Variants in NRG3 observed in about 807,000 individuals in gnomAD.
NRG3 encodes the protein neuregulin 3, also known as pro-neuregulin-3, membrane-bound isoform.
A neutral mutation model predicts 66.9 loss-of-function variants in NRG3; 31 were observed. The observed-to-expected ratio is 0.46, with a 90% confidence interval of 0.35 to 0.63. The LOEUF (loss-of-function observed/expected upper bound fraction) is 0.63. Among genes scored for constraint, NRG3 ranks in the 20% least tolerant of loss-of-function variants. The pLI is 0.00. For synonymous variants in NRG3, 393 were observed against 359.4 expected, an observed-to-expected ratio of 1.09 and a Z score of -1.06; for missense variants, 910 against 878.9, an observed-to-expected ratio of 1.04 and a Z score of -0.45.
At chr10:82,719,122 G>A (rs1188634572) in intron 2 of NRG3, among the ~76,000 whole-genome samples, 1 of 152,186 alleles carries the variant, frequency 6.6e-6, no homozygotes, top group Non-Finnish European at 1.5e-5. Context: ...TCTCCCCAAA[G>A]TGCAGTGAGG....
intron 1 of NRG3, among the ~76,000 whole-genome samples, chr10:81,891,316 C>T (rs1023416168): frequency 6.6e-6 from 1 of 152,204 alleles, no homozygotes; most frequent in South Asian, 2.1e-4. Context: ...CTATATGGCT[C>T]TATTCCTGAC....
At chr10:82,098,826 C>G (rs1029808750) in intron 1 of NRG3, among the ~76,000 whole-genome samples, 1 of 152,120 alleles carries the variant, frequency 6.6e-6, no homozygotes, top group Non-Finnish European at 1.5e-5. Context: ...CGCAGTGGTG[C>G]GATCTCGGCT....
chr10:82,186,347 T>C lies in NRG3; in HGVS notation c.824-172392T>C, dbSNP rs180841968. ...AGACAGTGAACTTTTCCTTTGCTCA[T>C]ACTCAGTGCCTAGAATCACCTAGGA... On this transcript the variant is annotated intron_variant, in intron 1 of 8. Coordinates refer to ENST00000372141, the MANE Select transcript of NRG3 (RefSeq NM_001010848.4). Among the ~76,000 whole-genome samples, 76 of 152,286 alleles carry C rather than the reference T, an allele frequency of 5.0e-4. 1 individual carries two copies. The East Asian group carries it at 0.014, about 28-fold the overall frequency.
At chr10:82,062,511 C>G (rs934689263) in intron 1 of NRG3, among the ~76,000 whole-genome samples, 3 of 151,588 alleles carry the variant, frequency 2.0e-5, no homozygotes, top group African/African-American at 7.3e-5. Context: ...GAGGCTGAGG[C>G]AGGAGAATTG....
intron 3 of NRG3, among the ~76,000 whole-genome samples, chr10:82,811,016 A>AT (rs2061471882): frequency 6.6e-6 from 1 of 151,226 alleles, no homozygotes; most frequent in Non-Finnish European, 1.5e-5. Context: ...TCCTTTAGTC[A>AT]TTTGCAGGGC....
intron 1 of NRG3, among the ~76,000 whole-genome samples, chr10:82,069,644 A>G (rs1400563919): frequency 6.6e-6 from 1 of 152,226 alleles, no homozygotes; most frequent in Non-Finnish European, 1.5e-5. Flanking sequence ...TTGAATTCGT[A>G]TTTATTTTTG....
intron 2 of NRG3, among the ~76,000 whole-genome samples, chr10:82,643,904 C>CCACACA (rs3040199): frequency 6.7e-6 from 1 of 149,924 alleles, no homozygotes; most frequent in Non-Finnish European, 1.5e-5. Context: ...ACACACACAC[C>CCACACA]CACACACACA....
At chr10:82,083,600 T>A (rs867335294) in intron 1 of NRG3, among the ~76,000 whole-genome samples, 2,864 of 149,750 alleles carry the variant, frequency 0.019, 87 homozygotes, top group African/African-American at 0.066. Flanking sequence ...TGTTAATTTT[T>A]TTTTTTTTTT....
intron 2 of NRG3, among the ~76,000 whole-genome samples, chr10:82,482,968 A>G (rs1842401373): frequency 6.6e-6 from 1 of 152,186 alleles, no homozygotes; most frequent in African/African-American, 2.4e-5. Context: ...AAGTTTACCA[A>G]CCAGCACAGA....
At chr10:82,607,719 T>C (rs944263788) in intron 2 of NRG3, among the ~76,000 whole-genome samples, 5 of 152,070 alleles carry the variant, frequency 3.3e-5, no homozygotes, top group African/African-American at 1.2e-4. Context: ...TTCTTCCTCC[T>C]CTCTTAGCAT....
intron 2 of NRG3, among the ~76,000 whole-genome samples, chr10:82,699,019 T>C (rs1449899705): frequency 6.6e-6 from 1 of 152,166 alleles, no homozygotes; most frequent in Non-Finnish European, 1.5e-5. Context: ...TTGTAATGTC[T>C]TATTAAGAGG....
At chr10:82,565,370 C>T (rs1178276690) in intron 2 of NRG3, among the ~76,000 whole-genome samples, 1 of 152,096 alleles carries the variant, frequency 6.6e-6, no homozygotes, top group African/African-American at 2.4e-5. Flanking sequence ...CCAAAAGATT[C>T]AGTCTCTGAA....
At chr10:82,406,268 A>AT (rs2087514371) in intron 2 of NRG3, among the ~76,000 whole-genome samples, 1 of 152,238 alleles carries the variant, frequency 6.6e-6, no homozygotes, top group Admixed American at 6.5e-5. Flanking sequence ...TTCGTGGGAC[A>AT]TAACTAAATT....
intron 2 of NRG3, among the ~76,000 whole-genome samples, chr10:82,435,298 T>C (rs982738452): frequency 6.6e-6 from 1 of 152,180 alleles, no homozygotes; most frequent in Admixed American, 6.6e-5. Flanking sequence ...GTATCCCCTT[T>C]ATCATTTTTT....
intron 1 of NRG3, among the ~76,000 whole-genome samples, chr10:81,974,786 T>A (rs532058140): frequency 6.6e-6 from 1 of 152,222 alleles, no homozygotes; most frequent in South Asian, 2.1e-4. Flanking sequence ...TTGAACTGGA[T>A]GAGAACTAAC....
chr10:82,792,928 AC>A (rs1382003679), intron 3 of NRG3, among the ~76,000 whole-genome samples: 7 of 151,822 alleles, frequency 4.6e-5, no homozygotes. Flanking sequence ...TGATCCGCCC[AC>A]CTCGGCGTCC....
At chr10:82,945,924 G>A (rs1463451555) in intron 4 of NRG3, among the ~76,000 whole-genome samples, 1 of 152,104 alleles carries the variant, frequency 6.6e-6, no homozygotes, top group Non-Finnish European at 1.5e-5. Flanking sequence ...AAGCCTAGGA[G>A]TACCTGATAT....
chr10:82,247,810 A>C (rs1224352030), intron 1 of NRG3, among the ~76,000 whole-genome samples: 1 of 152,196 alleles, frequency 6.6e-6, no homozygotes, highest in Non-Finnish European at 1.5e-5. Flanking sequence ...CTGCCCATTC[A>C]GATATATTCA....
intron 1 of NRG3, among the ~76,000 whole-genome samples, chr10:81,941,454 TC>T (rs1848397023): frequency 1.3e-5 from 2 of 152,270 alleles, no homozygotes; most frequent in Middle Eastern, 6.8e-3. Flanking sequence ...TACGTGTGCA[TC>T]TATTAATTTT....
Sources: allele counts gnomAD v4.1 joint callset (sites outside exome capture counted in the v4.1 genomes callset), GRCh38; gene constraint gnomAD v4.1.1; transcripts MANE v1.5; gene names NCBI Gene and HGNC (gene_info 2026-07-23, HGNC 2026-07-21).